EDA: variants seen among roughly 807,000 people sequenced by gnomAD.
EDA encodes the protein ectodysplasin A, also known as ectodysplasin-A.
A neutral mutation model predicts 23.6 loss-of-function variants in EDA; 2 were observed. That is an observed-to-expected ratio of 0.08 (90% CI 0.03 to 0.27). The LOEUF (loss-of-function observed/expected upper bound fraction) is 0.27, where lower values mean the gene tolerates loss of function less well. Among genes scored for constraint, EDA ranks in the 10% least tolerant of loss-of-function variants. EDA has a pLI of 1.00. For synonymous variants in EDA, 131 were observed against 132.0 expected, an observed-to-expected ratio of 0.99 and a Z score of 0.05; for missense variants, 229 against 324.2, an observed-to-expected ratio of 0.71 and a Z score of 2.26.
intron 1 of EDA, among the ~76,000 whole-genome samples, chrX:69,659,980 T>G (rs1321274486): frequency 8.9e-6 from 1 of 111,877 alleles, no homozygotes; most frequent in Non-Finnish European, 1.9e-5. Context: ...TGTCAGTACC[T>G]ATTTATCTTT....
At chrX:70,033,680 G>A (rs1220340027) in intron 7 of EDA, 152 bp downstream of exon 7, 2 of 605,576 alleles carry the variant, frequency 3.3e-6, no homozygotes, top group Non-Finnish European at 5.2e-6. Flanking sequence ...GGAGGGAGTT[G>A]AAAGGAGGAA....
intron 1 of EDA, among the ~76,000 whole-genome samples, chrX:69,911,116 T>G (rs1208179937): frequency 8.9e-6 from 1 of 112,105 alleles, no homozygotes; most frequent in Non-Finnish European, 1.9e-5. Context: ...AAGCAAGCAT[T>G]TAACTTGGCT....
chrX:70,023,486 T>TA (rs2020067538), intron 3 of EDA, among the ~76,000 whole-genome samples: 1 of 82,096 alleles, frequency 1.2e-5, no homozygotes, highest in African/African-American at 4.6e-5. Context: ...TTCTTTTTTT[T>TA]TTTTTTTTTT....
chrX:69,817,044 G>T (rs2016097131), intron 1 of EDA, among the ~76,000 whole-genome samples: 2 of 111,816 alleles, frequency 1.8e-5, no homozygotes, highest in African/African-American at 6.5e-5. Flanking sequence ...AGCCAGAAAA[G>T]ATTGGGGCCA....
intron 1 of EDA, among the ~76,000 whole-genome samples, chrX:69,709,825 A>G (rs772956496): frequency 6.1e-4 from 68 of 111,044 alleles, no homozygotes; most frequent in Non-Finnish European, 1.1e-3. Flanking sequence ...TGATGTTGTT[A>G]TTAAGAAAAT....
intron 1 of EDA, among the ~76,000 whole-genome samples, chrX:69,627,115 C>T (rs1932411142): frequency 9.0e-6 from 1 of 111,425 alleles, no homozygotes; most frequent in Non-Finnish European, 1.9e-5. Context: ...TTGCCAAGCA[C>T]TGCAAATTGA....
chrX:70,026,174 G>A (rs966823529), intron 3 of EDA, among the ~76,000 whole-genome samples: 2 of 112,332 alleles, frequency 1.8e-5, no homozygotes, highest in Non-Finnish European at 3.8e-5. Flanking sequence ...TCTGGAAACA[G>A]GCTTCCATTC....
intron 1 of EDA, among the ~76,000 whole-genome samples, chrX:69,876,451 AAAG>A (rs1395848306): frequency 1.9e-4 from 21 of 111,422 alleles, no homozygotes; most frequent in African/African-American, 6.8e-4. Context: ...AATAATAAAA[AAAG>A]AATAAAAATA....
chrX:69,828,286 C>T (rs1451176900), intron 1 of EDA, among the ~76,000 whole-genome samples: 1 of 112,259 alleles, frequency 8.9e-6, no homozygotes, highest in Non-Finnish European at 1.9e-5. Flanking sequence ...ATGGTGGGCG[C>T]CCCTCTCCCA....
intron 1 of EDA, among the ~76,000 whole-genome samples, chrX:69,929,707 TG>T (rs1451759242): frequency 4.1e-3 from 90 of 21,799 alleles, no homozygotes; most frequent in African/African-American, 0.021. Context: ...ATTCTATTTT[TG>T]TGTGTGTGTG....
At chrX:69,740,473 G>A (rs1181173923) in intron 1 of EDA, among the ~76,000 whole-genome samples, 1 of 110,296 alleles carries the variant, frequency 9.1e-6, no homozygotes, top group African/African-American at 3.3e-5. Context: ...ATATCACTCT[G>A]TTGCCTTTTA....
At chrX:69,736,513 G>C (rs1443718610) in intron 1 of EDA, among the ~76,000 whole-genome samples, 1 of 108,968 alleles carries the variant, frequency 9.2e-6, no homozygotes, top group Admixed American at 9.8e-5. Flanking sequence ...ATTTTTAGTA[G>C]AGACGAAGTT....
intron 2 of EDA, among the ~76,000 whole-genome samples, chrX:69,996,333 A>G (rs1478327054): frequency 1.8e-5 from 2 of 111,873 alleles, no homozygotes; most frequent in Non-Finnish European, 3.8e-5. Flanking sequence ...TGTGTTACTC[A>G]CTTCTATTTC....
intron 1 of EDA, among the ~76,000 whole-genome samples, chrX:69,745,672 C>A (rs924595919): frequency 8.9e-6 from 1 of 111,806 alleles, no homozygotes; most frequent in Non-Finnish European, 1.9e-5. Flanking sequence ...AAAATTCAAT[C>A]ATAAAAACTA....
chrX:69,779,082 T>A (rs766509135), intron 1 of EDA, among the ~76,000 whole-genome samples: 18 of 111,627 alleles, frequency 1.6e-4, no homozygotes, highest in Admixed American at 3.8e-4. Flanking sequence ...CCAGTTGGAA[T>A]GTAAAATGGT....
At chrX:69,635,566 C>CTTTTTTTTTTTTTTTT (rs138087284) in intron 1 of EDA, among the ~76,000 whole-genome samples, 1 of 63,471 alleles carries the variant, frequency 1.6e-5, no homozygotes, top group African/African-American at 7.4e-5. Context: ...AACACCAAAT[C>CTTTTTTTTTTTTTTTT]TTTTTTTTTT....
chrX:69,917,027 C>T (rs1035466428), intron 1 of EDA, among the ~76,000 whole-genome samples: 1 of 110,466 alleles, frequency 9.1e-6, no homozygotes, highest in Non-Finnish European at 1.9e-5. Context: ...CTCCACCTCC[C>T]GGGTTCAAGC....
At chrX:69,958,685 A>T (rs1278432873) in intron 2 of EDA, among the ~76,000 whole-genome samples, 1 of 111,606 alleles carries the variant, frequency 9.0e-6, no homozygotes, top group African/African-American at 3.3e-5. Context: ...AATGCAGTCC[A>T]TGTAGTAAAA....
chrX:69,891,117 A>G (rs956957527), intron 1 of EDA, among the ~76,000 whole-genome samples: 7 of 112,382 alleles, frequency 6.2e-5, no homozygotes, highest in Admixed American at 4.7e-4. Context: ...ATATGTGGCC[A>G]AAAACATATG....
Sources: allele counts gnomAD v4.1 joint callset (sites outside exome capture counted in the v4.1 genomes callset), GRCh38; gene constraint gnomAD v4.1.1; transcripts MANE v1.5; gene names NCBI Gene and HGNC (gene_info 2026-07-23, HGNC 2026-07-21).